The following MITF variants were observed in gnomAD, a reference collection of about 807,000 sequenced individuals.
MITF encodes the protein melanocyte inducing transcription factor.
In MITF, 17 loss-of-function variants were observed where a neutral mutation model predicts 60.5. The ratio of observed to expected loss-of-function variants is 0.28; its 90% confidence interval spans 0.19 to 0.42. MITF has a LOEUF of 0.42. Ranked by LOEUF, MITF falls within the 10% of genes least tolerant of loss-of-function variation. The pLI is 1.00. For missense variants in MITF, 622 were observed against 683.5 expected, an observed-to-expected ratio of 0.91 and a Z score of 1.00; for synonymous variants, 260 against 248.5, an observed-to-expected ratio of 1.05 and a Z score of -0.43.
intron 2 of MITF, among the ~76,000 whole-genome samples, chr3:69,903,192 T>C (rs1263725583): frequency 6.6e-6 from 1 of 152,220 alleles, no homozygotes; most frequent in Admixed American, 6.5e-5. Flanking sequence ...ATTTTCAAAT[T>C]AGCTAATCTT....
chr3:69,944,807 AAGT>A, intron 5 of MITF, among the ~76,000 whole-genome samples: 1 of 152,182 alleles, frequency 6.6e-6, no homozygotes. Context: ...CTCTCACTAA[AAGT>A]AAGTTACTAG....
intron 2 of MITF, among the ~76,000 whole-genome samples, chr3:69,882,295 A>G (rs1358875095): frequency 6.6e-6 from 1 of 152,102 alleles, no homozygotes; most frequent in Non-Finnish European, 1.5e-5. Context: ...TCTTTGTAAG[A>G]TTAGCCTCTG....
In MITF at chr3:69,889,866, A is replaced by G. The variant is rs1018034248; in HGVS notation, c.354+10483A>G. Among the ~76,000 whole-genome samples, 5 of 152,154 alleles carry G rather than the reference A, an allele frequency of 3.3e-5. No homozygotes were observed. In the East Asian group the frequency reaches 9.6e-4, roughly 29 times the overall value. On this transcript the variant is annotated intron_variant, in intron 2 of 9. Transcript: ENST00000352241. ...AGTTCAGTCTGAATGAGTCTGAACAAGCCACATTTCCAGTGCTCAGCAGCC... is the reference window on the plus strand; with the variant it reads ...AGTTCAGTCTGAATGAGTCTGAACAGGCCACATTTCCAGTGCTCAGCAGCC...
chr3:69,876,735 A>G (rs1000056102), intron 1 of MITF, among the ~76,000 whole-genome samples: 1 of 152,188 alleles, frequency 6.6e-6, no homozygotes, highest in East Asian at 1.9e-4. Flanking sequence ...AGCACTTCCA[A>G]GTTTGCCAAT....
intron 2 of MITF, among the ~76,000 whole-genome samples, chr3:69,928,762 A>T (rs1209861832): frequency 2.0e-5 from 3 of 152,202 alleles, no homozygotes; most frequent in Non-Finnish European, 4.4e-5. Flanking sequence ...AATTCTGTCT[A>T]GGTGAACAGA....
At chr3:69,774,485 T>A (rs1299196668) in intron 1 of MITF, among the ~76,000 whole-genome samples, 1 of 152,220 alleles carries the variant, frequency 6.6e-6, no homozygotes, top group African/African-American at 2.4e-5. Flanking sequence ...AAGTATTGCT[T>A]TAGTCTTACC....
At chr3:69,741,544 A>C (rs1703529821) in intron 1 of MITF, among the ~76,000 whole-genome samples, 1 of 152,160 alleles carries the variant, frequency 6.6e-6, no homozygotes, top group Non-Finnish European at 1.5e-5. Flanking sequence ...AAGACTTGTA[A>C]GGGTGAACGT....
rs565608450 is a variant in MITF, at chr3:69,831,559, T to A, written c.105-47575T>A. Among the ~76,000 whole-genome samples, 4 of 152,284 alleles carry A rather than the reference T, an allele frequency of 2.6e-5. No homozygotes were observed. In the South Asian group the frequency reaches 8.3e-4, roughly 32 times the overall value. ...CAAGACATATTTCTATATATGGATTTCACAACAATCTTGATTTCCGGCAAG... is the reference window on the plus strand; with the variant it reads ...CAAGACATATTTCTATATATGGATTACACAACAATCTTGATTTCCGGCAAG... On this transcript the variant is annotated intron_variant, in intron 1 of 9. Transcript: ENST00000352241.
chr3:69,950,856 T>C (rs2107516403), intron 6 of MITF, among the ~76,000 whole-genome samples: 1 of 152,182 alleles, frequency 6.6e-6, no homozygotes, highest in Admixed American at 6.5e-5. Flanking sequence ...TAATCTCTTA[T>C]CCCAGAGATG....
Position 69,965,320 on chromosome 3 carries a change from A to G in MITF, c.*72A>G. 5 of 1,537,580 alleles carry G rather than the reference A, an allele frequency of 3.3e-6. No homozygotes were observed. The South Asian group carries it at 5.8e-5, about 18-fold the overall frequency. Reference sequence around the variant, plus strand: ...TTCGTAGATTTAATAACTTACCTGAAGGGGTTTTCTTGATAATTTTCCTTT... The same window carrying G: ...TTCGTAGATTTAATAACTTACCTGAGGGGGTTTTCTTGATAATTTTCCTTT... On this transcript the variant is annotated 3_prime_UTR_variant, in exon 10 of 10. Transcript: ENST00000352241.
intron 1 of MITF, among the ~76,000 whole-genome samples, chr3:69,857,606 T>C (rs1048179480): frequency 2.6e-5 from 4 of 152,114 alleles, no homozygotes; most frequent in African/African-American, 9.7e-5. Context: ...GTATAGGAAC[T>C]AAACATGTTT....
intron 2 of MITF, among the ~76,000 whole-genome samples, chr3:69,906,507 CCATGATTTGT>C (rs1402751438): frequency 2.6e-5 from 4 of 152,060 alleles, no homozygotes; most frequent in African/African-American, 7.2e-5. Flanking sequence ...TTAATAAGTG[CCATGATTTGT>C]CATTCTACTA....
At chr3:69,756,599 G>A (rs923832330) in intron 1 of MITF, among the ~76,000 whole-genome samples, 1 of 152,066 alleles carries the variant, frequency 6.6e-6, no homozygotes, top group African/African-American at 2.4e-5. Context: ...AAACATACAT[G>A]TACACGTGTC....
intron 1 of MITF, among the ~76,000 whole-genome samples, chr3:69,835,953 T>C (rs545017741): frequency 1.2e-3 from 190 of 152,298 alleles, no homozygotes; most frequent in African/African-American, 4.3e-3. Flanking sequence ...TTAGCTATTC[T>C]GGGTTTTTTT....
chr3:69,814,495 AT>A (rs1386414967), intron 1 of MITF, among the ~76,000 whole-genome samples: 1 of 151,988 alleles, frequency 6.6e-6, no homozygotes, highest in Non-Finnish European at 1.5e-5. Flanking sequence ...TGCCTGGCTA[AT>A]TTTTTAATGT....
At chr3:69,900,047 G>A (rs189850576) in intron 2 of MITF, among the ~76,000 whole-genome samples, 16 of 152,272 alleles carry the variant, frequency 1.1e-4, no homozygotes, top group African/African-American at 2.9e-4. Flanking sequence ...GACTTGCTCA[G>A]TACCTCTTAA....
At chr3:69,859,369 A>G (rs554685076) in intron 1 of MITF, among the ~76,000 whole-genome samples, 7 of 152,320 alleles carry the variant, frequency 4.6e-5, no homozygotes, top group Admixed American at 1.3e-4. Context: ...CACTCTTTGG[A>G]ATACAAACAT....
intron 1 of MITF, among the ~76,000 whole-genome samples, chr3:69,814,257 A>T (rs996179279): frequency 1.3e-5 from 2 of 152,150 alleles, no homozygotes; most frequent in Non-Finnish European, 2.9e-5. Context: ...TGATGACCCA[A>T]CCTTGTGGTA....
chr3:69,757,789 A>C (rs1288650203), intron 1 of MITF, among the ~76,000 whole-genome samples: 1 of 151,906 alleles, frequency 6.6e-6, no homozygotes, highest in Non-Finnish European at 1.5e-5. Flanking sequence ...TCTTCGGGCA[A>C]ATTTTCATTG....
Sources: gnomAD v4.1 joint callset for allele counts (sites outside exome capture counted in the v4.1 genomes callset) on GRCh38, gnomAD v4.1.1 for gene constraint, MANE v1.5 for transcripts, NCBI Gene and HGNC (gene_info 2026-07-23, HGNC 2026-07-21) for gene names.